Variants in PDLIM5 observed in about 807,000 individuals in gnomAD.
PDLIM5 encodes PDZ and LIM domain 5.
In PDLIM5, 34 loss-of-function variants were observed where a neutral mutation model predicts 64.2. That is an observed-to-expected ratio of 0.53 (90% confidence interval 0.40 to 0.71). The LOEUF (loss-of-function observed/expected upper bound fraction) is 0.71, where lower values mean the gene tolerates loss of function less well. Ranked by LOEUF, PDLIM5 falls within the 30% of genes least tolerant of loss-of-function variation. PDLIM5 has a pLI of 0.00. For missense variants in PDLIM5, 683 were observed against 733.6 expected, an observed-to-expected ratio of 0.93 and a Z score of 0.80; for synonymous variants, 253 against 269.1, an observed-to-expected ratio of 0.94 and a Z score of 0.59.
At chr4:94,610,242 T>C (rs1170684136) in intron 7 of PDLIM5, 15 of 1,518,756 alleles carry the variant, frequency 9.9e-6, no homozygotes, top group Middle Eastern at 1.7e-4. Flanking sequence ...CTGCTAGATA[T>C]AGTGCTGCAG....
intron 7 of PDLIM5, chr4:94,608,189 C>T (rs1455339513): frequency 1.3e-5 from 19 of 1,518,938 alleles, no homozygotes; most frequent in Non-Finnish European, 1.7e-5. Flanking sequence ...GTAGACTCTT[C>T]CTTCTTGGTG....
chr4:94,555,521 T>C (rs1733215994), intron 3 of PDLIM5, among the ~76,000 whole-genome samples: 1 of 152,242 alleles, frequency 6.6e-6, no homozygotes, highest in Admixed American at 6.5e-5. Context: ...CTAGTAGAAT[T>C]GAGTATTAGT....
chr4:94,490,122 G>A (rs1441584493), intron 2 of PDLIM5, among the ~76,000 whole-genome samples: 2 of 151,338 alleles, frequency 1.3e-5, no homozygotes, highest in African/African-American at 2.4e-5. Context: ...AATCAAATAT[G>A]AACTGTGGGG....
In PDLIM5 at chr4:94,575,736, C is replaced by T. The variant is rs989848101; in HGVS notation, c.412C>T (p.Pro138Ser). The change falls in exon 5 of 13, where the codon CCA (proline) becomes TCA (serine). Residue 138 changes from proline to serine, a missense_variant. Physicochemically the swap from Pro to Ser is moderately conservative, Grantham distance 74 (BLOSUM62 -1). Transcript: ENST00000317968. ...ACGGCCTTTTGGTTCTGTGTCTTCA[C>T]CAAAAGTCACATCCATCCCATCACC... is the stretch of plus-strand genomic sequence containing the variant. ...APRPFGSVSS[P>S]KVTSIPSPSS... is the part of the protein sequence containing the mutation. 1.9e-6 allele frequency: 3 copies of T among 1,614,144 alleles called. No individual in the cohort carries two copies. Among genetic ancestry groups the T allele is most frequent in the South Asian group, 1.1e-5 (1 of 91,082 alleles).
Position 94,459,700 on chromosome 4 carries a change from C to T in PDLIM5, c.96+4316C>T, listed in dbSNP as rs577950245. ...CACAAGTCAATATTCTATGAAATGA[C>T]AGATTCTGATAAGTGTTTCTCAGTT... On this transcript the variant is annotated intron_variant, in intron 2 of 12. Transcript: ENST00000317968. Among the ~76,000 whole-genome samples the T allele has an allele frequency of 2.6e-5, 4 of 152,312 alleles. No individual in the cohort carries two copies. In the South Asian group the frequency reaches 6.2e-4, roughly 24 times the overall value.
chr4:94,552,169 G>A (rs1211175067), intron 3 of PDLIM5, among the ~76,000 whole-genome samples: 1 of 151,962 alleles, frequency 6.6e-6, no homozygotes, highest in Non-Finnish European at 1.5e-5. Flanking sequence ...GACTTTGATG[G>A]CTATTTTTTA....
At chr4:94,581,498 C>T (rs546936567) in intron 5 of PDLIM5, among the ~76,000 whole-genome samples, 1 of 152,262 alleles carries the variant, frequency 6.6e-6, no homozygotes, top group African/African-American at 2.4e-5. Context: ...GAATGCTGTG[C>T]ATTTGTGGCT....
chr4:94,626,788 G>GT (rs1470228946), intron 8 of PDLIM5, among the ~76,000 whole-genome samples: 3 of 148,776 alleles, frequency 2.0e-5, no homozygotes, highest in Non-Finnish European at 1.5e-5. Flanking sequence ...TTGTTTCGGT[G>GT]TTTTTTTGTT....
chr4:94,554,163 A>G (rs963330295), intron 3 of PDLIM5, among the ~76,000 whole-genome samples: 3 of 152,216 alleles, frequency 2.0e-5, no homozygotes, highest in South Asian at 4.1e-4. Flanking sequence ...GAGTACATGC[A>G]GTAATCCCTT....
intron 2 of PDLIM5, among the ~76,000 whole-genome samples, chr4:94,461,808 A>G (rs1209192221): frequency 1.3e-5 from 2 of 152,236 alleles, no homozygotes; most frequent in Non-Finnish European, 2.9e-5. Flanking sequence ...AGAGGAGAGT[A>G]AAATGAACTG....
At chr4:94,586,265 G>T in intron 6 of PDLIM5, 143 bp from the exon 7 acceptor site, 1 of 571,668 alleles carries the variant, frequency 1.7e-6, no homozygotes, top group South Asian at 2.4e-5. Context: ...ATAGTTTATG[G>T]CCAATAACAG....
chr4:94,648,946 T>C (rs897315281), intron 9 of PDLIM5, among the ~76,000 whole-genome samples: 1 of 152,054 alleles, frequency 6.6e-6, no homozygotes, highest in Non-Finnish European at 1.5e-5. Flanking sequence ...TATCCACTGA[T>C]TAGGGGATGT....
intron 2 of PDLIM5, among the ~76,000 whole-genome samples, chr4:94,499,843 T>G (rs557052180): frequency 6.6e-6 from 1 of 152,174 alleles, no homozygotes; most frequent in Non-Finnish European, 1.5e-5. Context: ...TATTGTGAAC[T>G]GCACGTGCAA....
intron 2 of PDLIM5, among the ~76,000 whole-genome samples, chr4:94,497,660 A>G (rs543299605): frequency 6.6e-6 from 1 of 152,232 alleles, no homozygotes; most frequent in Non-Finnish European, 1.5e-5. Context: ...TCTTCAGTGC[A>G]TGTCATCAAA....
intron 3 of PDLIM5, 106 bp downstream of exon 3, chr4:94,523,981 A>G (rs1730097435): frequency 1.4e-6 from 1 of 713,298 alleles, no homozygotes; most frequent in Non-Finnish European, 2.4e-6. Flanking sequence ...TGCTACCATC[A>G]TTTCAGGTAA....
intron 8 of PDLIM5, among the ~76,000 whole-genome samples, chr4:94,634,823 G>A (rs939951295): frequency 2.6e-5 from 4 of 152,114 alleles, no homozygotes; most frequent in South Asian, 2.1e-4. Context: ...AAATTCACAC[G>A]TACTACCGGG....
intron 3 of PDLIM5, among the ~76,000 whole-genome samples, chr4:94,564,895 A>T (rs1351434975): frequency 6.6e-6 from 1 of 151,944 alleles, no homozygotes; most frequent in East Asian, 1.9e-4. Flanking sequence ...TGACCTCGTG[A>T]TCCGCCCGCC....
chr4:94,456,001 C>CATG (rs200644602), intron 2 of PDLIM5: 5 of 1,436,140 alleles, frequency 3.5e-6, no homozygotes, highest in Middle Eastern at 1.9e-4. Flanking sequence ...GATATGTTTT[C>CATG]ATGATGATGA....
At chr4:94,514,083 T>C (rs1729137706) in intron 2 of PDLIM5, among the ~76,000 whole-genome samples, 1 of 152,034 alleles carries the variant, frequency 6.6e-6, no homozygotes, top group Non-Finnish European at 1.5e-5. Context: ...CACTTGGTCA[T>C]GGTGAATGAT....
Sources: gnomAD v4.1 joint callset for allele counts (sites outside exome capture counted in the v4.1 genomes callset) on GRCh38, gnomAD v4.1.1 for gene constraint, MANE v1.5 for transcripts, NCBI Gene and HGNC (gene_info 2026-07-23, HGNC 2026-07-21) for gene names.